Variants in NAV3 observed in about 807,000 individuals in gnomAD.
NAV3 encodes neuron navigator 3, also known as pore membrane and/or filament interacting like protein 1.
NAV3 carries 87 observed loss-of-function variants against 244.7 expected under a neutral mutation model. That is an observed-to-expected ratio of 0.36 (90% CI 0.30 to 0.42). NAV3 has a LOEUF of 0.42. Among genes scored for constraint, NAV3 ranks in the 20% least tolerant of loss-of-function variants. The probability of loss-of-function intolerance (pLI) is 1.00; values close to 1 mark genes in which losing one functional copy is unlikely to be tolerated. For synonymous variants in NAV3, 1,126 were observed against 1,042.2 expected, an observed-to-expected ratio of 1.08 and a Z score of -1.55; for missense variants, 2,663 against 2,893.3, an observed-to-expected ratio of 0.92 and a Z score of 1.83.
intron 1 of NAV3, among the ~76,000 whole-genome samples, chr12:77,869,636 G>A (rs1324997799): frequency 6.6e-6 from 1 of 151,984 alleles, no homozygotes; most frequent in African/African-American, 2.4e-5. Flanking sequence ...CTTTCTCAGG[G>A]CCAGCTTCCA....
chr12:77,921,416 T>C (rs1159551992), intron 1 of NAV3, among the ~76,000 whole-genome samples: 1 of 152,032 alleles, frequency 6.6e-6, no homozygotes, highest in East Asian at 1.9e-4. Context: ...AACCATTCAC[T>C]TAAAAATCCT....
chr12:77,968,846 A>G, intron 5 of NAV3, 144 bp downstream of exon 5: 1 of 735,310 alleles, frequency 1.4e-6, no homozygotes, highest in Non-Finnish European at 2.2e-6. Context: ...TGTAATAGAA[A>G]CTAAAACCAC....
intron 2 of NAV3, among the ~76,000 whole-genome samples, chr12:77,683,943 C>A (rs941482596): frequency 2.6e-5 from 4 of 151,938 alleles, no homozygotes; most frequent in Admixed American, 6.6e-5. Context: ...TTTATTATTT[C>A]TTTTCAGTAA....
intron 2 of NAV3, among the ~76,000 whole-genome samples, chr12:77,724,407 A>G (rs1876784140): frequency 6.6e-6 from 1 of 152,006 alleles, no homozygotes; most frequent in Non-Finnish European, 1.5e-5. Flanking sequence ...TCATATTATG[A>G]ATATATAACT....
chr12:77,645,536 T>TAAAAAAAAAAAAAA lies in NAV3; in HGVS notation c.72+73281_72+73294dup, dbSNP rs756805711. ...GAATTCATGGAGAGCTCTCTCTCTC[T>TAAAAAAAAAAAAAA]AAAAAAAAAAAAAAAAAAAAAAAAC... On this transcript the variant is annotated intron_variant, in intron 2 of 8. Coordinates refer to the NAV3 transcript ENST00000550042. Among the ~76,000 whole-genome samples, 126 of 62,996 alleles carry TAAAAAAAAAAAAAA rather than the reference T, an allele frequency of 2.0e-3. 5 individuals carry two copies. Among genetic ancestry groups the TAAAAAAAAAAAAAA allele is most frequent in the African/African-American group, 8.9e-3 (123 of 13,756 alleles). 41.3% of individuals were successfully genotyped at this position (62,996 alleles called of 152,430 possible).
chr12:78,092,747 G>A (rs2138051973), intron 12 of NAV3, among the ~76,000 whole-genome samples: 1 of 152,160 alleles, frequency 6.6e-6, no homozygotes, highest in Admixed American at 6.5e-5. Context: ...TGATCTGCCA[G>A]CCTTGGCCTC....
At chr12:78,197,429 G>T in intron 35 of NAV3, 28 bp downstream of exon 35, 1 of 1,488,226 alleles carries the variant, frequency 6.7e-7, no homozygotes, top group Non-Finnish European at 9.0e-7. Context: ...TCTGAATAAT[G>T]AAATATGAAA....
Position 78,007,078 on chromosome 12 carries a change from G to T in NAV3, c.1540G>T (p.Ala514Ser). Reference sequence around the variant, plus strand: ...GATCCCTAAGGGCAGCAAGACAACAGCAGCTAAGAAGGAAAGCTTAATTCC... The same window carrying T: ...GATCCCTAAGGGCAGCAAGACAACATCAGCTAAGAAGGAAAGCTTAATTCC... ...SLIPKGSKTT[A>S]AKKESLIPSS... Residue 514 changes from alanine to serine, a missense_variant, in exon 8 of 40, where the codon GCA (alanine) becomes TCA (serine). Physicochemically the swap from Ala to Ser is moderately conservative, Grantham distance 99 (BLOSUM62 1). Transcript: ENST00000397909. The T allele has an allele frequency of 6.2e-7, 1 of 1,614,152 alleles. No individual in the cohort carries two copies. Among genetic ancestry groups the T allele is most frequent in the South Asian group, 1.1e-5 (1 of 91,088 alleles).
intron 2 of NAV3, among the ~76,000 whole-genome samples, chr12:77,801,219 A>G (rs1394816200): frequency 6.6e-6 from 1 of 151,818 alleles, no homozygotes; most frequent in Non-Finnish European, 1.5e-5. Flanking sequence ...TGGGTATCTC[A>G]TAGAAATTGC....
chr12:77,643,864 G>C (rs938973913), intron 2 of NAV3, among the ~76,000 whole-genome samples: 3 of 151,982 alleles, frequency 2.0e-5, no homozygotes, highest in African/African-American at 7.2e-5. Flanking sequence ...TAATAACTCA[G>C]ATACATAGTT....
At chr12:77,963,308 C>A (rs1372272624) in intron 3 of NAV3, among the ~76,000 whole-genome samples, 1 of 151,988 alleles carries the variant, frequency 6.6e-6, no homozygotes, top group Non-Finnish European at 1.5e-5. Flanking sequence ...CAGAGAATAT[C>A]ATTTTATCAT....
intron 2 of NAV3, among the ~76,000 whole-genome samples, chr12:77,669,702 A>C (rs1047117465): frequency 1.3e-5 from 2 of 152,178 alleles, no homozygotes; most frequent in African/African-American, 4.8e-5. Context: ...ACTGTATAAA[A>C]CAATTACTAC....
At chr12:77,637,697 T>C (rs1157161991) in intron 2 of NAV3, among the ~76,000 whole-genome samples, 1 of 152,102 alleles carries the variant, frequency 6.6e-6, no homozygotes, top group East Asian at 1.9e-4. Flanking sequence ...AATTCCAGAG[T>C]CTATGCTAAA....
intron 2 of NAV3, 59 bp from the exon 3 acceptor site, chr12:77,941,022 T>G: frequency 9.1e-7 from 1 of 1,102,986 alleles, no homozygotes; most frequent in Non-Finnish European, 1.4e-6. Context: ...TGTGTTTCAC[T>G]TCATTGCTTA....
chr12:77,840,744 C>T (rs1256051936), intron 1 of NAV3, among the ~76,000 whole-genome samples: 1 of 152,144 alleles, frequency 6.6e-6, no homozygotes, highest in Non-Finnish European at 1.5e-5. Flanking sequence ...GTCAAACAGC[C>T]GTAGCAACTG....
intron 1 of NAV3, among the ~76,000 whole-genome samples, chr12:77,875,737 A>C (rs1881757186): frequency 6.6e-6 from 1 of 152,080 alleles, no homozygotes; most frequent in Non-Finnish European, 1.5e-5. Flanking sequence ...TAGGTTATAC[A>C]TTTCAAATAT....
At chr12:77,651,994 G>A (rs1378483422) in intron 2 of NAV3, among the ~76,000 whole-genome samples, 1 of 152,144 alleles carries the variant, frequency 6.6e-6, no homozygotes. Flanking sequence ...TGGTGGGGAT[G>A]TGATGACCAG....
Position 78,161,488 on chromosome 12 carries a change from AACAT to A in NAV3, c.4869+2206_4869+2209del, listed in dbSNP as rs1957543165. Among the ~76,000 whole-genome samples the A allele has an allele frequency of 3.9e-5, 6 of 152,216 alleles. No individual in the cohort carries two copies. In the South Asian group the frequency reaches 1.2e-3, roughly 32 times the overall value. On this transcript the variant is annotated intron_variant, in intron 23 of 39. Transcript: ENST00000397909. ...ATCTGTAAGTGAATTTTCTCATAGA[AACAT>A]ACAGAGAATTTTCTCATATACATAT...
rs113732749 is a variant in NAV3, at chr12:78,043,838, T to C, written c.2024-6155T>C. Among the ~76,000 whole-genome samples the C allele has an allele frequency of 3.7e-3, 567 of 152,354 alleles. 4 individuals are homozygous for C. Among genetic ancestry groups the C allele is most frequent in the African/African-American group, 0.013 (524 of 41,586 alleles). ...GTAGATTCTGAATATTAGCCCTTTG[T>C]CAGATGGATAGATTGCAAAAATTGT... is the stretch of plus-strand genomic sequence containing the variant. On this transcript the variant is annotated intron_variant, in intron 9 of 39. Coordinates refer to ENST00000397909, the MANE Select transcript of NAV3 (RefSeq NM_001024383.2).
Sources: gnomAD v4.1 joint callset for allele counts (sites outside exome capture counted in the v4.1 genomes callset) on GRCh38, gnomAD v4.1.1 for gene constraint, MANE v1.5 for transcripts, NCBI Gene and HGNC (gene_info 2026-07-23, HGNC 2026-07-21) for gene names.